Variants in GRIA4 observed in about 807,000 individuals in gnomAD.
GRIA4 encodes the protein glutamate ionotropic receptor AMPA type subunit 4.
Under a neutral mutation model 104.0 loss-of-function variants are expected in GRIA4, and 34 were observed. That is an observed-to-expected ratio of 0.33 (90% confidence interval 0.25 to 0.44). The LOEUF is 0.44. Among genes scored for constraint, GRIA4 ranks in the 20% least tolerant of loss-of-function variants. The pLI is 1.00. For missense variants in GRIA4, 750 were observed against 1,096.5 expected (o/e 0.68, Z 4.46); for synonymous variants, 386 against 381.9 (o/e 1.01, Z -0.13).
At chr11:105,717,186 T>A (rs1028388356) in intron 3 of GRIA4, among the ~76,000 whole-genome samples, 4 of 152,086 alleles carry the variant, frequency 2.6e-5, no homozygotes, top group African/African-American at 9.7e-5. Flanking sequence ...ATTCCTGAAA[T>A]CCCAGTCCAA....
chr11:105,634,501 G>GAA (rs1156691358), intron 3 of GRIA4, among the ~76,000 whole-genome samples: 2 of 66,456 alleles, frequency 3.0e-5, no homozygotes, highest in African/African-American at 4.4e-5. Flanking sequence ...AAGAAAGAAA[G>GAA]AAAGAAAGAA....
intron 4 of GRIA4, among the ~76,000 whole-genome samples, chr11:105,772,988 AGCAAAATGAATTCAACAAT>A (rs1219733043): frequency 2.6e-5 from 4 of 152,302 alleles, no homozygotes; most frequent in South Asian, 2.1e-4. Flanking sequence ...GTCTAAACAC[AGCAAAATGAATTCAACAAT>A]GCAGATGAGG....
At chr11:105,977,853 A>T (rs1466783861) in intron 16 of GRIA4, among the ~76,000 whole-genome samples, 1 of 152,072 alleles carries the variant, frequency 6.6e-6, no homozygotes, top group Non-Finnish European at 1.5e-5. Flanking sequence ...AGACTATTGC[A>T]GCCATGTACA....
At chr11:105,635,426 G>C (rs567492160) in intron 3 of GRIA4, among the ~76,000 whole-genome samples, 1 of 152,254 alleles carries the variant, frequency 6.6e-6, no homozygotes, top group Non-Finnish European at 1.5e-5. Context: ...TAACTGCCAA[G>C]CATAAGAATA....
intron 9 of GRIA4, among the ~76,000 whole-genome samples, chr11:105,907,291 T>C (rs1225214714): frequency 6.6e-6 from 1 of 152,176 alleles, no homozygotes; most frequent in Non-Finnish European, 1.5e-5. Flanking sequence ...AAAAGAAATA[T>C]GAAGTATAAA....
At chr11:105,870,296 T>C (rs528922782) in intron 5 of GRIA4, among the ~76,000 whole-genome samples, 78 of 151,612 alleles carry the variant, frequency 5.1e-4, no homozygotes, top group African/African-American at 1.8e-3. Context: ...TATATAAATA[T>C]TGTGCAGTAA....
In GRIA4 at chr11:105,734,176, C is replaced by A. The variant is rs1938789634; in HGVS notation, c.248-18805C>A. On this transcript the variant is annotated intron_variant, in intron 3 of 16. Transcript: ENST00000282499. Reference sequence around the variant, plus strand: ...TCCCTTGAATTTTCTCCAGGCATCTCAAACTAAGTATGTATAAAATTGGAC... The same window carrying A: ...TCCCTTGAATTTTCTCCAGGCATCTAAAACTAAGTATGTATAAAATTGGAC... Among the ~76,000 whole-genome samples the A allele has an allele frequency of 2.0e-5, 3 of 151,270 alleles. No homozygotes were observed. In the South Asian group the frequency reaches 6.2e-4, roughly 31 times the overall value.
intron 14 of GRIA4, among the ~76,000 whole-genome samples, chr11:105,954,103 T>C (rs1356280858): frequency 6.6e-6 from 1 of 152,200 alleles, no homozygotes; most frequent in East Asian, 1.9e-4. Context: ...TGTCTGCTAA[T>C]TGATGCATTG....
intron 4 of GRIA4, among the ~76,000 whole-genome samples, chr11:105,790,598 C>T (rs931690093): frequency 2.0e-5 from 3 of 152,132 alleles, no homozygotes; most frequent in African/African-American, 7.2e-5. Flanking sequence ...CCTTGTGCAC[C>T]CATTCTTCCA....
chr11:105,825,171 C>T (rs1403359439), intron 4 of GRIA4, among the ~76,000 whole-genome samples: 1 of 151,988 alleles, frequency 6.6e-6, no homozygotes, highest in African/African-American at 2.4e-5. Context: ...CAAGATTTAT[C>T]AAGGGGAATA....
chr11:105,729,744 C>A (rs372624282), intron 3 of GRIA4, among the ~76,000 whole-genome samples: 15 of 152,210 alleles, frequency 9.9e-5, no homozygotes, highest in South Asian at 4.2e-4. Flanking sequence ...ATAAACAGAA[C>A]CAATATCAAA....
intron 11 of GRIA4, among the ~76,000 whole-genome samples, chr11:105,922,581 A>AT (rs1947594374): frequency 6.6e-6 from 1 of 152,126 alleles, no homozygotes; most frequent in African/African-American, 2.4e-5. Flanking sequence ...ACATTTTGAC[A>AT]TTTTTCCAAT....
chr11:105,816,027 G>A (rs1035815621), intron 4 of GRIA4, among the ~76,000 whole-genome samples: 5 of 152,052 alleles, frequency 3.3e-5, no homozygotes, highest in Admixed American at 6.6e-5. Flanking sequence ...CTGCATGCAC[G>A]TGAGATAGCA....
chr11:105,748,140 C>A (rs1256757115), intron 3 of GRIA4, among the ~76,000 whole-genome samples: 1 of 152,198 alleles, frequency 6.6e-6, no homozygotes, highest in Non-Finnish European at 1.5e-5. Flanking sequence ...ATTTCTACTT[C>A]ATACAGCATT....
chr11:105,679,778 T>C (rs1952652724), intron 3 of GRIA4, among the ~76,000 whole-genome samples: 1 of 152,172 alleles, frequency 6.6e-6, no homozygotes, highest in Admixed American at 6.6e-5. Flanking sequence ...TTCGTATTTA[T>C]AACAACCTTC....
At chr11:105,906,265 T>A (rs1450307794) in intron 9 of GRIA4, among the ~76,000 whole-genome samples, 1 of 152,168 alleles carries the variant, frequency 6.6e-6, no homozygotes. Flanking sequence ...TATGGCCCAA[T>A]AAGTTATCTT....
chr11:105,888,916 AGT>A (rs1182932601), intron 6 of GRIA4, among the ~76,000 whole-genome samples: 15 of 151,986 alleles, frequency 9.9e-5, no homozygotes, highest in African/African-American at 3.4e-4. Flanking sequence ...GTTTTAGTAG[AGT>A]GTTTCACTAT....
intron 3 of GRIA4, among the ~76,000 whole-genome samples, chr11:105,666,564 A>G (rs923734173): frequency 6.6e-6 from 1 of 151,990 alleles, no homozygotes; most frequent in Non-Finnish European, 1.5e-5. Context: ...GTAAACTCTT[A>G]GTAAATGATT....
chr11:105,736,046 T>C (rs1432617401), intron 3 of GRIA4, among the ~76,000 whole-genome samples: 1 of 152,172 alleles, frequency 6.6e-6, no homozygotes, highest in African/African-American at 2.4e-5. Flanking sequence ...TAAATAAATG[T>C]TTTAATTGGT....
Sources: allele counts gnomAD v4.1 joint callset (sites outside exome capture counted in the v4.1 genomes callset), GRCh38; gene constraint gnomAD v4.1.1; transcripts MANE v1.5; gene names NCBI Gene and HGNC (gene_info 2026-07-23, HGNC 2026-07-21).